Variants in CARD8 observed in about 807,000 individuals in gnomAD.
CARD8 encodes the protein caspase recruitment domain-containing protein 8.
CARD8 carries 38 observed loss-of-function variants against 53.2 expected under a neutral mutation model. That is an observed-to-expected ratio of 0.71 (90% confidence interval 0.55 to 0.94). The LOEUF (loss-of-function observed/expected upper bound fraction) is 0.94, where lower values mean the gene tolerates loss of function less well. Ranked by LOEUF, CARD8 falls within the 40% of genes least tolerant of loss-of-function variation. The pLI is 0.00. For missense variants in CARD8, 561 were observed against 655.5 expected (o/e 0.86, Z 1.57); for synonymous variants, 245 against 244.9 (o/e 1.00, Z 0.00).
rs144035597 is a variant in CARD8 at position 48,236,504 on chromosome 19, G to A, written c.209+1879C>T. Among the ~76,000 whole-genome samples the A allele has an allele frequency of 7.8e-3, 1,185 of 152,196 alleles. 11 individuals carry two copies. The highest frequency in any genetic ancestry group is 0.012 in the Non-Finnish European group (792 of 68,006). ...CCTGGGATTACACCTGTGAGCCACC[G>A]CACCCAGTCTGGGATAGGTTTTATT... On this transcript the variant is annotated intron_variant, in intron 5 of 13. Transcript: ENST00000651546.
At chr19:48,241,200 G>A (rs1348579141) in intron 3 of CARD8, 137 bp from the exon 4 acceptor site, 1 of 596,294 alleles carries the variant, frequency 1.7e-6, no homozygotes, top group East Asian at 2.9e-5. Context: ...ATTGCTCCTA[G>A]TAGTGGTAGG....
Position 48,218,904 on chromosome 19 carries a change from C to T in CARD8, c.1270G>A (p.Gly424Arg), listed in dbSNP as rs761765876. The change falls in exon 12 of 14, where the codon GGG (glycine) becomes AGG (arginine). Residue 424 changes from glycine to arginine, a missense_variant. Gly to Arg is a moderately radical substitution (Grantham distance 125). Transcript: ENST00000651546. ...IQLEITEKRH[G>R]TLVWDTEVKP... is the part of the protein sequence containing the mutation. ...ACCTCAGTATCCCACACCAAAGTCC[C>T]ATGTCTTTTTTCAGTAATCTCAAGT... 7 of 1,614,186 alleles carry T rather than the reference C, an allele frequency of 4.3e-6. No individual in the cohort carries two copies. The highest frequency in any genetic ancestry group is 1.6e-4 in the Middle Eastern group (1 of 6,062).
intron 10 of CARD8, among the ~76,000 whole-genome samples, chr19:48,222,135 A>T (rs1282143563): frequency 1.3e-5 from 2 of 152,184 alleles, no homozygotes; most frequent in Non-Finnish European, 2.9e-5. Context: ...ATTCTTGTAT[A>T]GTTTGCTTTT....
At chr19:48,248,221 A>G (rs1241337663) in intron 3 of CARD8, among the ~76,000 whole-genome samples, 2 of 152,142 alleles carry the variant, frequency 1.3e-5, no homozygotes, top group African/African-American at 2.4e-5. Context: ...AATCCCAGTC[A>G]CGCATGAAGT....
intron 4 of CARD8, among the ~76,000 whole-genome samples, chr19:48,239,361 G>C (rs1451351202): frequency 6.6e-6 from 1 of 152,080 alleles, no homozygotes; most frequent in East Asian, 1.9e-4. Flanking sequence ...ATCATAGAAG[G>C]CTAAAATTAC....
chr19:48,222,580 T>C (rs1015786277), intron 10 of CARD8, among the ~76,000 whole-genome samples: 2 of 151,830 alleles, frequency 1.3e-5, no homozygotes, highest in Admixed American at 6.6e-5. Flanking sequence ...TCCCAGCTAC[T>C]CTGGAGGCTG....
intron 5 of CARD8, 114 bp from the exon 6 acceptor site, chr19:48,234,657 G>A: frequency 2.1e-6 from 2 of 968,344 alleles, no homozygotes; most frequent in Non-Finnish European, 3.0e-6. Flanking sequence ...TTTTATCTTA[G>A]GGAAGTCATT....
intron 3 of CARD8, among the ~76,000 whole-genome samples, chr19:48,244,495 G>A (rs2045776789): frequency 6.6e-6 from 1 of 152,212 alleles, no homozygotes; most frequent in Admixed American, 6.5e-5. Context: ...TTTCCTGTGA[G>A]TAAAGCCTCA....
At chr19:48,242,719 A>G (rs936722422) in intron 3 of CARD8, 18 of 151,932 alleles carry the variant, frequency 1.2e-4, no homozygotes, top group African/African-American at 3.9e-4. Context: ...TCTCTTGGGT[A>G]CATACTTAGG....
At chr19:48,231,501 C>T (rs896211063) in intron 8 of CARD8, among the ~76,000 whole-genome samples, 159 bp downstream of exon 8, 1 of 151,890 alleles carries the variant, frequency 6.6e-6, no homozygotes, top group Admixed American at 6.6e-5. Context: ...GACAGGGTTT[C>T]GTCATGTTGG....
At chr19:48,207,172 AAAAAAAG>A (rs1347537147), downstream of CARD8, among the ~76,000 whole-genome samples, 1 of 138,692 alleles carries the variant, frequency 7.2e-6, no homozygotes, top group Non-Finnish European at 1.6e-5. Flanking sequence ...TCTCAAAAAA[AAAAAAAG>A]AAAAGAAAAG....
rs572169764 is a variant in CARD8 at position 48,245,196 on chromosome 19, G to C, written c.-43-4133C>G. On this transcript the variant is annotated intron_variant, in intron 3 of 13. Transcript: ENST00000651546. ...TAAGCTACAAAAGTAAGATAAACCA[G>C]TAAGTTAGAGAAAGAATCTTTTTTT... Among the ~76,000 whole-genome samples, 128 of 152,248 alleles carry C rather than the reference G, an allele frequency of 8.4e-4. 1 individual carries two copies. The highest frequency in any genetic ancestry group is 3.0e-3 in the African/African-American group (124 of 41,546).
At chr19:48,231,469 T>A (rs1253903855) in intron 8 of CARD8, among the ~76,000 whole-genome samples, 191 bp downstream of exon 8, 1 of 151,880 alleles carries the variant, frequency 6.6e-6, no homozygotes, top group Non-Finnish European at 1.5e-5. Flanking sequence ...CACGCCTGAC[T>A]AATTTTTGTA....
intron 6 of CARD8, chr19:48,232,747 T>C (rs763495080): frequency 1.7e-5 from 11 of 634,416 alleles, no homozygotes; most frequent in South Asian, 1.5e-4. Flanking sequence ...AATGGAACAC[T>C]CCCGTCATCA....
intron 3 of CARD8, among the ~76,000 whole-genome samples, chr19:48,248,991 A>C (rs970889850): frequency 6.6e-6 from 1 of 152,210 alleles, no homozygotes; most frequent in Non-Finnish European, 1.5e-5. Context: ...TGAGATCAGG[A>C]GTTCGAAGCC....
At chr19:48,234,361 A>G (rs779088112) in intron 6 of CARD8, 42 bp downstream of exon 6, 1 of 1,574,378 alleles carries the variant, frequency 6.4e-7, no homozygotes, top group Admixed American at 1.9e-5. Context: ...TGATATTGAG[A>G]CACAGCGTCC....
At chr19:48,254,008 A>G (rs2047267033) in intron 1 of CARD8, among the ~76,000 whole-genome samples, 1 of 152,260 alleles carries the variant, frequency 6.6e-6, no homozygotes, top group Non-Finnish European at 1.5e-5. Context: ...CACATAGCAT[A>G]CATATGTAGC....
At chr19:48,219,568 G>C (rs10418239) in intron 11 of CARD8, among the ~76,000 whole-genome samples, 100,623 of 151,938 alleles carry the variant, frequency 0.66, 33,440 homozygotes, top group South Asian at 0.73. Flanking sequence ...CAAGCCCCCC[G>C]ACCCAGCTCT....
intron 4 of CARD8, among the ~76,000 whole-genome samples, chr19:48,239,506 AC>A (rs2044572255): frequency 7.7e-6 from 1 of 129,584 alleles, no homozygotes; most frequent in Admixed American, 8.9e-5. Context: ...ACAGAGTTTC[AC>A]TGTTGTCGCC....
Sources: allele counts gnomAD v4.1 joint callset (sites outside exome capture counted in the v4.1 genomes callset), GRCh38; gene constraint gnomAD v4.1.1; transcripts MANE v1.5; gene names NCBI Gene and HGNC (gene_info 2026-07-23, HGNC 2026-07-21).